Variants in ABCA8 observed in about 807,000 individuals in gnomAD.
ABCA8 encodes ATP binding cassette subfamily A member 8, also known as ABC-type organic anion transporter ABCA8.
ABCA8 carries 177 observed loss-of-function variants against 192.3 expected under a neutral mutation model. That is an observed-to-expected ratio of 0.92 (90% CI 0.81 to 1.04). ABCA8 has a LOEUF of 1.04. Ranked by LOEUF, ABCA8 falls within the 50% of genes least tolerant of loss-of-function variation. The probability of loss-of-function intolerance (pLI) is 0.00; values close to 1 mark genes in which losing one functional copy is unlikely to be tolerated. For missense variants in ABCA8, 1,915 were observed against 1,904.8 expected (o/e 1.01, Z -0.10); for synonymous variants, 642 against 690.2 (o/e 0.93, Z 1.09).
At chr17:68,877,802 T>C (rs2066245633) in intron 32 of ABCA8, 123 bp from the exon 33 acceptor site, 2 of 1,010,592 alleles carry the variant, frequency 2.0e-6, no homozygotes, top group East Asian at 2.7e-5. Context: ...TTGGGTTTAA[T>C]AATCTGTAAT....
chr17:68,915,232 TTTCTC>T (rs1248269855), intron 17 of ABCA8, among the ~76,000 whole-genome samples: 1 of 151,994 alleles, frequency 6.6e-6, no homozygotes, highest in African/African-American at 2.4e-5. Context: ...TGGGTAAAGA[TTTCTC>T]TACCCCACAA....
intron 37 of ABCA8, among the ~76,000 whole-genome samples, chr17:68,872,073 A>T (rs1375708769): frequency 2.0e-5 from 3 of 152,086 alleles, no homozygotes; most frequent in Admixed American, 6.5e-5. Context: ...CAGCCATCCC[A>T]TTACTGGGTA....
rs768861427 is a variant in ABCA8, at chr17:68,933,252, A to G, written c.486T>C (p.Asn162=). ...CTGAAACTTCACAGTAAACATCTTC[A>G]TTTGTTTCATAACAATGAGCTTTGT... ...KDHTAHCYET[N]EDVYCEVSVF... is the part of the protein sequence containing the mutation. The change falls in exon 6 of 40, where the codon AAT becomes AAC. Residue 162 remains asparagine, a synonymous_variant. Transcript: ENST00000586539. 1.2e-5 allele frequency: 19 copies of G among 1,611,356 alleles called. No homozygotes were observed. The East Asian group carries it at 4.0e-4, about 34-fold the overall frequency.
At chr17:68,900,851 A>G in intron 21 of ABCA8, among the ~76,000 whole-genome samples, 1 of 152,164 alleles carries the variant, frequency 6.6e-6, no homozygotes, top group Non-Finnish European at 1.5e-5. Context: ...TGACAAATCC[A>G]ACATCTGTTC....
chr17:68,936,854 G>A (rs565361346), intron 5 of ABCA8, 97 bp downstream of exon 5: 2 of 1,062,718 alleles, frequency 1.9e-6, no homozygotes, highest in Non-Finnish European at 2.6e-6. Flanking sequence ...ATGACAGATA[G>A]TGATGCTCTA....
At chr17:68,946,543 G>A (rs1022569450) in intron 2 of ABCA8, among the ~76,000 whole-genome samples, 2 of 152,150 alleles carry the variant, frequency 1.3e-5, no homozygotes, top group African/African-American at 4.8e-5. Context: ...CCTTCTGATA[G>A]GTAGATGCCT....
At chr17:68,887,909 C>CATAT (rs146099895) in intron 24 of ABCA8, among the ~76,000 whole-genome samples, 2 of 37,542 alleles carry the variant, frequency 5.3e-5, no homozygotes, top group Non-Finnish European at 8.8e-5. Flanking sequence ...TATATATATC[C>CATAT]ATATATATAT....
At chr17:68,929,735 T>A (rs1202008221) in intron 7 of ABCA8, 33 bp from the exon 8 acceptor site, 1 of 1,559,686 alleles carries the variant, frequency 6.4e-7, no homozygotes, top group African/African-American at 1.4e-5. Context: ...TTTTAGTATT[T>A]TATGTTCACT....
At chr17:68,891,103 T>C (rs1348341794) in intron 24 of ABCA8, among the ~76,000 whole-genome samples, 1 of 152,218 alleles carries the variant, frequency 6.6e-6, no homozygotes, top group African/African-American at 2.4e-5. Context: ...TCAATTGATA[T>C]ATGTGTGGGT....
chr17:68,917,730 A>G (rs1235286436), intron 16 of ABCA8, among the ~76,000 whole-genome samples: 1 of 152,230 alleles, frequency 6.6e-6, no homozygotes, highest in Non-Finnish European at 1.5e-5. Flanking sequence ...CATTAAAATC[A>G]TTTGAATATT....
At chr17:68,943,094 ATGAAAGAAAATTTTCTTTCCCTAG>A (rs1219081284) in intron 2 of ABCA8, among the ~76,000 whole-genome samples, 1 of 152,132 alleles carries the variant, frequency 6.6e-6, no homozygotes, top group Non-Finnish European at 1.5e-5. Flanking sequence ...TTGTTGTGGG[ATGAAAGAAAATTTTCTTTCCCTAG>A]TGAAAGAAAT....
rs2067053808 is a variant in ABCA8, at chr17:68,905,946, C to G, written c.2398+98G>C. 1.4e-5 allele frequency: 16 copies of G among 1,145,036 alleles called. 1 individual carries two copies. The South Asian group carries it at 3.1e-4, about 22-fold the overall frequency. 70.9% of individuals were successfully genotyped at this position (1,145,036 alleles called of 1,614,324 possible). A position where few individuals can be genotyped will look rare whatever the true frequency, so the allele number is the denominator to read the frequency against. ...TTTACACAAGCTTGTCTAAGAAGAG[C>G]CTTAATCATGAACCCCACATTTTGT... is the stretch of plus-strand genomic sequence containing the variant. On this transcript the variant is annotated intron_variant, in intron 19 of 39. Coordinates refer to ENST00000586539, the MANE Select transcript of ABCA8 (RefSeq NM_001288985.2).
At chr17:68,953,105 G>T (rs939555507) in intron 1 of ABCA8, among the ~76,000 whole-genome samples, 1 of 152,188 alleles carries the variant, frequency 6.6e-6, no homozygotes, top group Non-Finnish European at 1.5e-5. Context: ...CTTTCAAATG[G>T]TCTTTGCCGT....
At chr17:68,935,596 A>C (rs924431837) in intron 5 of ABCA8, among the ~76,000 whole-genome samples, 1 of 132,178 alleles carries the variant, frequency 7.6e-6, no homozygotes, top group African/African-American at 2.9e-5. Flanking sequence ...CCCTCTGTTG[A>C]TGGACACTTA....
chr17:68,894,859 G>T (rs773184647), intron 22 of ABCA8, 21 bp downstream of exon 22: 5 of 1,601,124 alleles, frequency 3.1e-6, no homozygotes, highest in Non-Finnish European at 4.3e-6. Flanking sequence ...TTTTCAGAAA[G>T]ATTATTAGAG....
chr17:68,901,762 TGTGCC>T (rs1472056433), intron 21 of ABCA8, among the ~76,000 whole-genome samples: 3 of 150,210 alleles, frequency 2.0e-5, no homozygotes, highest in African/African-American at 7.4e-5. Context: ...GAGCCGAAAT[TGTGCC>T]ACTGGTCTCC....
intron 21 of ABCA8, among the ~76,000 whole-genome samples, chr17:68,895,689 T>C (rs184811313): frequency 4.5e-4 from 68 of 152,274 alleles, no homozygotes; most frequent in African/African-American, 1.6e-3. Flanking sequence ...CAGGGATCCC[T>C]ATTCCCCAAG....
chr17:68,910,226 A>C lies in ABCA8; in HGVS notation c.2139-2347T>G, dbSNP rs376755032. ...CATCATATAAGGAAAGAAGCACTGG[A>C]GAGGATAGGAAAGACAGTCTTGAAT... is the stretch of plus-strand genomic sequence containing the variant. On this transcript the variant is annotated intron_variant, in intron 17 of 39. Transcript: ENST00000586539. 1.3e-3 allele frequency among the ~76,000 whole-genome samples: 196 copies of C among 152,314 alleles called. 1 individual carries two copies. The highest frequency in any genetic ancestry group is 4.5e-3 in the African/African-American group (186 of 41,562).
Position 68,902,726 on chromosome 17 carries a change from G to C in ABCA8, c.2751C>G (p.Ile917Met). The C allele has an allele frequency of 2.5e-6, 4 of 1,613,010 alleles. No homozygotes were observed. The highest frequency in any genetic ancestry group is 3.4e-6 in the Non-Finnish European group (4 of 1,179,208). Residue 917 changes from isoleucine to methionine, a missense_variant, in exon 21 of 40, where the codon ATC becomes ATG. By Grantham distance (10) the Ile-to-Met change is conservative (BLOSUM62 1). Coordinates refer to ENST00000586539, the MANE Select transcript of ABCA8 (RefSeq NM_001288985.2). ...CCACCATTTTACCTGTTTTATTGAT[G>C]ATCAGTAGTTGAGTGAGAGGGTCAT... ...QPHDPLTQLL[I>M]INKTGASIDD...
Sources: allele counts gnomAD v4.1 joint callset (sites outside exome capture counted in the v4.1 genomes callset), GRCh38; gene constraint gnomAD v4.1.1; transcripts MANE v1.5; gene names NCBI Gene and HGNC (gene_info 2026-07-23, HGNC 2026-07-21).